Variants in HPCAL1 observed in about 807,000 individuals in gnomAD.
The protein encoded by HPCAL1 is hippocalcin like 1.
A neutral mutation model predicts 17.1 loss-of-function variants in HPCAL1; 8 were observed. The ratio of observed to expected loss-of-function variants is 0.47; its 90% CI spans 0.27 to 0.84. The LOEUF (loss-of-function observed/expected upper bound fraction) is 0.84. HPCAL1 is among the 40% of genes least tolerant of loss of function. The pLI is 0.13. For synonymous variants in HPCAL1, 112 were observed against 111.4 expected, an observed-to-expected ratio of 1.01 and a Z score of -0.03; for missense variants, 165 against 271.1, an observed-to-expected ratio of 0.61 and a Z score of 2.75.
intron 1 of HPCAL1, among the ~76,000 whole-genome samples, chr2:10,351,504 T>C (rs1447458773): frequency 1.3e-5 from 2 of 152,116 alleles, no homozygotes; most frequent in African/African-American, 2.4e-5. Context: ...ATGCCAATAA[T>C]CATTGCACTT....
chr2:10,387,239 C>T (rs1007643357), intron 1 of HPCAL1, among the ~76,000 whole-genome samples: 1 of 152,240 alleles, frequency 6.6e-6, no homozygotes, highest in African/African-American at 2.4e-5. Flanking sequence ...AATCCACCTC[C>T]TTGTGCCAGC....
intron 1 of HPCAL1, among the ~76,000 whole-genome samples, chr2:10,326,200 G>A (rs1319758575): frequency 2.0e-5 from 3 of 152,196 alleles, no homozygotes; most frequent in African/African-American, 4.8e-5. Flanking sequence ...GGTGGTAAAC[G>A]TTCGTTAACT....
intron 2 of HPCAL1, among the ~76,000 whole-genome samples, chr2:10,399,214 C>T (rs1572815040): frequency 5.2e-5 from 4 of 76,310 alleles, no homozygotes; most frequent in Admixed American, 1.4e-4. Context: ...CACTGCACCA[C>T]CACCACCACC....
At chr2:10,356,779 C>T (rs1266295543) in intron 1 of HPCAL1, among the ~76,000 whole-genome samples, 1 of 152,134 alleles carries the variant, frequency 6.6e-6, no homozygotes, top group Non-Finnish European at 1.5e-5. Flanking sequence ...CCCTCAGGCC[C>T]TGGCTTCCCC....
Position 10,318,401 on chromosome 2 carries a change from T to G in HPCAL1, c.-111+15224T>G, listed in dbSNP as rs572823800. Among the ~76,000 whole-genome samples, 14 of 152,160 alleles carry G rather than the reference T, an allele frequency of 9.2e-5. No individual in the cohort carries two copies. The East Asian group carries it at 1.4e-3, about 15-fold the overall frequency. On this transcript the variant is annotated intron_variant, in intron 1 of 4. Transcript: ENST00000307845. Reference sequence around the variant, plus strand: ...GCGGCCACTCTTTCTCTCCCTTCTTTGGGTTTGTGTTCAGCAAGGGTCTAC... The same window carrying G: ...GCGGCCACTCTTTCTCTCCCTTCTTGGGGTTTGTGTTCAGCAAGGGTCTAC...
intron 1 of HPCAL1, among the ~76,000 whole-genome samples, chr2:10,352,394 T>C (rs1242937137): frequency 1.3e-5 from 2 of 152,202 alleles, no homozygotes; most frequent in Non-Finnish European, 2.9e-5. Flanking sequence ...GACACCTTGA[T>C]TCCCACCTAC....
intron 2 of HPCAL1, among the ~76,000 whole-genome samples, chr2:10,399,253 C>CCACCAT (rs1669299924): frequency 3.0e-5 from 2 of 67,658 alleles, no homozygotes; most frequent in African/African-American, 4.8e-5. Context: ...ACCACCACCA[C>CCACCAT]CACCACCATC....
intron 1 of HPCAL1, among the ~76,000 whole-genome samples, chr2:10,322,340 G>A (rs982315973): frequency 2.0e-5 from 3 of 152,178 alleles, no homozygotes; most frequent in African/African-American, 7.2e-5. Flanking sequence ...TAAATAGGGT[G>A]GTCAGAGAAG....
At position 10,402,568 on chromosome 2, in the gene HPCAL1, G is replaced by A. The variant is rs527693217; in HGVS notation, c.-25+5648G>A. The stretch of plus-strand genomic sequence containing the variant: ...AGTTAACTCCAGACTGTAGCTGCTG[G>A]GGCCACCGAGGGCGGCTGGAACATC... On this transcript the variant is annotated intron_variant, in intron 2 of 4. Coordinates refer to ENST00000307845, the MANE Select transcript of HPCAL1 (RefSeq NM_002149.4). Among the ~76,000 whole-genome samples, 10 of 152,256 alleles carry A rather than the reference G, an allele frequency of 6.6e-5. No individual in the cohort carries two copies. The East Asian group carries it at 1.5e-3, about 24-fold the overall frequency.
chr2:10,385,399 C>G (rs1329668962), intron 1 of HPCAL1, among the ~76,000 whole-genome samples: 2 of 152,058 alleles, frequency 1.3e-5, no homozygotes, highest in East Asian at 1.9e-4. Flanking sequence ...GGGACAGGGC[C>G]CAGGAATCTG....
rs1668877225 is a variant in HPCAL1, at chr2:10,394,348, G to C, written c.-110-2487G>C. ...TGAGGACCTGGTACATTCTGCTGCT[G>C]GTTCCATTGCTGGGTTTCTCCTCGT... is the stretch of plus-strand genomic sequence containing the variant. On this transcript the variant is annotated intron_variant, in intron 1 of 4. Coordinates refer to ENST00000307845, the MANE Select transcript of HPCAL1 (RefSeq NM_002149.4). This position sits in a 1 kb window ranked among gnomAD's most constrained non-coding sequence, Gnocchi z 5.0. Among the ~76,000 whole-genome samples, 5 of 152,212 alleles carry C rather than the reference G, an allele frequency of 3.3e-5. No individual in the cohort carries two copies. In the South Asian group the frequency reaches 1.0e-3, roughly 32 times the overall value.
At chr2:10,307,884 C>T (rs1318746076) in intron 1 of HPCAL1, among the ~76,000 whole-genome samples, 3 of 152,236 alleles carry the variant, frequency 2.0e-5, no homozygotes, top group African/African-American at 7.2e-5. Flanking sequence ...TGTCTTCTGC[C>T]TCCCCAACCC....
intron 2 of HPCAL1, among the ~76,000 whole-genome samples, chr2:10,415,926 C>T (rs1030929561): frequency 1.3e-5 from 2 of 152,222 alleles, no homozygotes; most frequent in Non-Finnish European, 2.9e-5. Flanking sequence ...GACTCAGTGG[C>T]CCCACACAGC....
chr2:10,395,515 G>A lies in HPCAL1; in HGVS notation c.-110-1320G>A, dbSNP rs905133842. Among the ~76,000 whole-genome samples, 2 of 152,218 alleles carry A rather than the reference G, an allele frequency of 1.3e-5. No individual in the cohort carries two copies. The highest frequency in any genetic ancestry group is 4.8e-5 in the African/African-American group (2 of 41,466). ...GGGAGAGGTGCAGCACCCCCATTGT[G>A]CAGGAGCGAGGGGAGCCCCGCTGGC... On this transcript the variant is annotated intron_variant, in intron 1 of 4. Transcript: ENST00000307845. This position sits in a 1 kb window ranked among gnomAD's most constrained non-coding sequence, Gnocchi z 4.4.
rs199775253 is a variant in HPCAL1, at chr2:10,394,962, A to ATTTT, written c.-110-1870_-110-1867dup. On this transcript the variant is annotated intron_variant, in intron 1 of 4. Transcript: ENST00000307845. The surrounding 1 kb of genome is among the most constrained non-coding windows in gnomAD (Gnocchi z 5.0). Reference sequence around the variant, plus strand: ...AGGCACGCACCACCACGCATGGCTAATTTTTTGTATTTTTAGTAGAGATGG... The same window carrying ATTTT: ...AGGCACGCACCACCACGCATGGCTAATTTTTTTTTTGTATTTTTAGTAGAGATGG... Among the ~76,000 whole-genome samples, 1,877 of 151,712 alleles carry ATTTT rather than the reference A, an allele frequency of 0.012. 41 individuals carry two copies. Among genetic ancestry groups the ATTTT allele is most frequent in the African/African-American group, 0.043 (1,762 of 41,332 alleles).
In HPCAL1 at chr2:10,344,743, G is replaced by C. The variant is rs1665300763; in HGVS notation, c.-111+41566G>C. Among the ~76,000 whole-genome samples the C allele has an allele frequency of 6.6e-6, 1 of 151,864 alleles. No homozygotes were observed. Among genetic ancestry groups the C allele is most frequent in the Admixed American group, 6.6e-5 (1 of 15,230 alleles). On this transcript the variant is annotated intron_variant, in intron 1 of 4. Coordinates refer to ENST00000307845, the MANE Select transcript of HPCAL1 (RefSeq NM_002149.4). The surrounding 1 kb of genome is among the most constrained non-coding windows in gnomAD (Gnocchi z 4.9). ...TCTGTCTGTCTGTCTCTATGTGTCT[G>C]TTTCTCTCTCCCTCTTTCTGTGTGT...
At chr2:10,387,248 GCCTC>G (rs1406328315) in intron 1 of HPCAL1, among the ~76,000 whole-genome samples, 5 of 152,270 alleles carry the variant, frequency 3.3e-5, no homozygotes, top group Non-Finnish European at 7.3e-5. Context: ...CCTTGTGCCA[GCCTC>G]ACGGCCTCCT....
At chr2:10,372,238 G>T (rs552111105) in intron 1 of HPCAL1, among the ~76,000 whole-genome samples, 1 of 152,312 alleles carries the variant, frequency 6.6e-6, no homozygotes, top group East Asian at 1.9e-4. Flanking sequence ...AGGAAGCTGG[G>T]TGGTGCCCTG....
At chr2:10,399,264 A>ACCG (rs1669307565) in intron 2 of HPCAL1, among the ~76,000 whole-genome samples, 1 of 141,966 alleles carries the variant, frequency 7.0e-6, no homozygotes, top group Non-Finnish European at 1.5e-5. Flanking sequence ...CACCACCATC[A>ACCG]CCACCACCAC....
Sources: gnomAD v4.1 joint callset for allele counts (sites outside exome capture counted in the v4.1 genomes callset) on GRCh38, gnomAD v4.1.1 for gene constraint, Gnocchi (gnomAD v3.1) non-coding constraint, MANE v1.5 for transcripts, NCBI Gene and HGNC (gene_info 2026-07-23, HGNC 2026-07-21) for gene names.